Variants in PPP1R13L observed in about 807,000 individuals in gnomAD.
The protein encoded by PPP1R13L is relA-associated inhibitor.
Under a neutral mutation model 80.9 loss-of-function variants are expected in PPP1R13L, and 50 were observed. The observed-to-expected ratio is 0.62, with a 90% confidence interval of 0.49 to 0.78. The LOEUF is 0.78. Among genes scored for constraint, PPP1R13L ranks in the 30% least tolerant of loss-of-function variants. The pLI is 0.00. For missense variants in PPP1R13L, 1,200 were observed against 1,205.9 expected (o/e 1.00, Z 0.07); for synonymous variants, 602 against 534.3 (o/e 1.13, Z -1.75).
At chr19:45,383,746 C>T (rs1417789518) in intron 11 of PPP1R13L, among the ~76,000 whole-genome samples, 2 of 151,862 alleles carry the variant, frequency 1.3e-5, no homozygotes, top group Non-Finnish European at 2.9e-5. Context: ...GGCTCATCTG[C>T]CTCTTTCTTT....
rs1444983144 is a variant in PPP1R13L at position 45,385,626 on chromosome 19, G to A, written c.2184C>T (p.Ala728=). The change falls in exon 11 of 13, where the codon GCC becomes GCT. Residue 728 remains alanine (A), a synonymous_variant. Coordinates refer to ENST00000360957, the MANE Select transcript of PPP1R13L (RefSeq NM_006663.4). The part of the protein sequence containing the change: ...AIFATTLSDG[A]TAFEKCDPYR... ...AAGGGTCGCACTTCTCGAAGGCGGT[G>A]GCGCCGTCGCTGAGCGTGGTGGCGA... is the stretch of plus-strand genomic sequence containing the variant. 3 of 1,613,104 alleles carry A rather than the reference G, an allele frequency of 1.9e-6. No individual in the cohort carries two copies. The highest frequency in any genetic ancestry group is 2.5e-6 in the Non-Finnish European group (3 of 1,179,922).
In PPP1R13L at chr19:45,386,118, G is replaced by T. The variant is rs1171949897; in HGVS notation, c.1878C>A (p.Asn626Lys). 1.3e-6 allele frequency: 2 copies of T among 1,554,238 alleles called. No individual in the cohort carries two copies. Among genetic ancestry groups the T allele is most frequent in the East Asian group, 2.3e-5 (1 of 43,670 alleles). ...CCGCGTCCAGGAGGAGCACCAGAGG[G>T]TTGAGGCGCGCGCGGCGGGCCTTGC... ...SPRKARRARL[N>K]PLVLLLDAAL... The change falls in exon 9 of 13, where the codon AAC becomes AAA. Residue 626 changes from asparagine (N) to lysine (K), a missense_variant. Transcript: ENST00000360957.
At chr19:45,401,977 C>T (rs1295888702) in intron 1 of PPP1R13L, 3 of 152,062 alleles carry the variant, frequency 2.0e-5, no homozygotes, top group African/African-American at 4.8e-5. Flanking sequence ...GCAGCACCAC[C>T]GTCCAACCCT....
rs1972991295 is a variant in PPP1R13L at position 45,392,256 on chromosome 19, TC to T, written c.1438del (p.Asp480MetfsTer5). 6.2e-7 allele frequency: 1 copy of T among 1,613,278 alleles called. No homozygotes were observed. Among genetic ancestry groups the T allele is most frequent in the Non-Finnish European group, 8.5e-7 (1 of 1,179,950 alleles). ...GAGAGGCCTTGCTACAGGGCCTTCA[TC>T]CACATCGCCAGCCTCCAGCACTGGT... ...LTPVLEAGDV[D>X]EGPVARPLSP... On this transcript the variant is annotated frameshift_variant, in exon 8 of 13. Transcript: ENST00000360957. LOFTEE classifies it high-confidence loss of function.
chr19:45,396,665 GGAA>G lies in PPP1R13L; in HGVS notation c.589_591del (p.Phe197del), dbSNP rs762544920. The G allele has an allele frequency of 1.8e-5, 26 of 1,460,130 alleles. No homozygotes were observed. The highest frequency in any genetic ancestry group is 2.3e-5 in the Non-Finnish European group (26 of 1,117,366). 90.4% of individuals were successfully genotyped at this position (1,460,130 alleles called of 1,614,324 possible). Reference sequence around the variant, plus strand: ...GGGCGCGGTGACGGCCCACGCTCGGGGAAGAAGGCCTGGGGCCCCTCCGCCAGG... The same window carrying G: ...GGGCGCGGTGACGGCCCACGCTCGGGGAAGGCCTGGGGCCCCTCCGCCAGG... On this transcript the variant is annotated inframe_deletion, in exon 4 of 13. Coordinates refer to ENST00000360957, the MANE Select transcript of PPP1R13L (RefSeq NM_006663.4). This position sits in a 1 kb window ranked among gnomAD's most constrained non-coding sequence, Gnocchi z 5.3.
Position 45,386,121 on chromosome 19 carries a change from G to C in PPP1R13L, c.1875C>G (p.Leu625=), listed in dbSNP as rs762825594. Residue 625 remains leucine (L), a synonymous_variant, in exon 9 of 13, where the codon CTC becomes CTG. Coordinates refer to ENST00000360957, the MANE Select transcript of PPP1R13L (RefSeq NM_006663.4). The part of the protein sequence containing the change: ...GSPRKARRAR[L]NPLVLLLDAA... The stretch of plus-strand genomic sequence containing the variant: ...CGTCCAGGAGGAGCACCAGAGGGTT[G>C]AGGCGCGCGCGGCGGGCCTTGCGCG... The C allele has an allele frequency of 2.8e-5, 43 of 1,553,760 alleles. No individual in the cohort carries two copies. Among genetic ancestry groups the C allele is most frequent in the Middle Eastern group, 1.7e-4 (1 of 5,734 alleles).
rs1466833394 is a variant in PPP1R13L at position 45,386,033 on chromosome 19, G to T, written c.1947+16C>A. 5 of 1,587,828 alleles carry T rather than the reference G, an allele frequency of 3.1e-6. No individual in the cohort carries two copies. The highest frequency in any genetic ancestry group is 4.3e-6 in the Non-Finnish European group (5 of 1,169,898). On this transcript the variant is annotated intron_variant, in intron 9 of 12. Transcript: ENST00000360957. ...GATGCCCCCGCCGTGCCCACCTCCCGCTCAGCAGCGCTCACCTCCTTCACC... is the reference window on the plus strand; with the variant it reads ...GATGCCCCCGCCGTGCCCACCTCCCTCTCAGCAGCGCTCACCTCCTTCACC...
intron 11 of PPP1R13L, among the ~76,000 whole-genome samples, chr19:45,384,016 C>G (rs565445393): frequency 6.6e-6 from 1 of 151,548 alleles, no homozygotes; most frequent in Non-Finnish European, 1.5e-5. Flanking sequence ...CCGCCCGCCT[C>G]GAGCCTCCCA....
rs552365541 is a variant in PPP1R13L, at chr19:45,398,040, C to A, written c.163G>T (p.Ala55Ser). 1 of 1,613,906 alleles carries A rather than the reference C, an allele frequency of 6.2e-7. No homozygotes were observed. Among genetic ancestry groups the A allele is most frequent in the Non-Finnish European group, 8.5e-7 (1 of 1,179,840 alleles). ...GGTCCGGCCTGCGGGCCAGGAGGCGCGGGAGAGTCTGACCACAGCGACTCC... is the reference window on the plus strand; with the variant it reads ...GGTCCGGCCTGCGGGCCAGGAGGCGAGGGAGAGTCTGACCACAGCGACTCC... ...QLESLWSDSPAPPGPQAGPPS... is the reference protein window; with the variant it reads ...QLESLWSDSPSPPGPQAGPPS... Residue 55 changes from alanine (A) to serine (S), a missense_variant, in exon 3 of 13, where the codon GCG becomes TCG. Ala to Ser is a moderately conservative substitution (Grantham distance 99). Around this residue, in one of 5 missense-constraint regions of PPP1R13L, gnomAD observed 764 missense variants for 714.5 expected, o/e 1.07. Transcript: ENST00000360957.
At position 45,396,047 on chromosome 19, in the gene PPP1R13L, C is replaced by G; in HGVS notation, c.903+121G>C. The G allele has an allele frequency of 7.7e-7, 1 of 1,305,992 alleles. No individual in the cohort carries two copies. Among genetic ancestry groups the G allele is most frequent in the East Asian group, 2.5e-5 (1 of 39,566 alleles). The allele number at this position is 1,305,992 out of a possible 1,614,324, so 80.9% of individuals were successfully genotyped here. A position where few individuals can be genotyped will look rare whatever the true frequency, so the allele number is the denominator to read the frequency against. On this transcript the variant is annotated intron_variant, in intron 6 of 12. Coordinates refer to ENST00000360957, the MANE Select transcript of PPP1R13L (RefSeq NM_006663.4). The surrounding 1 kb of genome is among the most constrained non-coding windows in gnomAD (Gnocchi z 5.3). Reference sequence around the variant, plus strand: ...GAAACCCAGCACAGTGAAGGGAGAGCGTGGGAACGGGCGCCGAGACCCAGA... The same window carrying G: ...GAAACCCAGCACAGTGAAGGGAGAGGGTGGGAACGGGCGCCGAGACCCAGA...
rs914329124 is a variant in PPP1R13L at position 45,396,615 on chromosome 19, T to C, written c.642A>G (p.Pro214=). ...PRPPATAYDA[P]ASAFGSSLLG... is the part of the protein sequence containing the mutation. ...GCAGGGAGCTCCCGAAGGCGGACGC[T>C]GGCGCGTCGTAGGCTGTGGCAGGGG... Residue 214 remains proline, a synonymous_variant, in exon 4 of 13, where the codon CCA becomes CCG. Coordinates refer to ENST00000360957, the MANE Select transcript of PPP1R13L (RefSeq NM_006663.4). This position sits in a 1 kb window ranked among gnomAD's most constrained non-coding sequence, Gnocchi z 5.3. The C allele has an allele frequency of 6.7e-7, 1 of 1,494,840 alleles. No individual in the cohort carries two copies. Among genetic ancestry groups the C allele is most frequent in the African/African-American group, 1.4e-5 (1 of 71,356 alleles). 92.6% of individuals were successfully genotyped at this position (1,494,840 alleles called of 1,614,324 possible). A position where few individuals can be genotyped will look rare whatever the true frequency, so the allele number is the denominator to read the frequency against.
intron 8 of PPP1R13L, among the ~76,000 whole-genome samples, chr19:45,386,995 G>A (rs951992356): frequency 7.9e-5 from 12 of 151,456 alleles, no homozygotes; most frequent in Non-Finnish European, 1.5e-4. Flanking sequence ...TGGGCTGGGC[G>A]AGGTGGCTCA....
In PPP1R13L at chr19:45,395,734, G is replaced by A. The variant is rs555989232; in HGVS notation, c.1056C>T (p.Ile352=). Residue 352 remains isoleucine, a synonymous_variant, in exon 7 of 13, where the codon ATC becomes ATT. Coordinates refer to ENST00000360957, the MANE Select transcript of PPP1R13L (RefSeq NM_006663.4). ...LPRSWQPVSR[I]PMPPSSPQPR... The stretch of plus-strand genomic sequence containing the variant: ...GCTGGGGGCTGGAGGGGGGCATGGG[G>A]ATGCGGCTGACGGGCTGCCAGCTGC... 4.2e-5 allele frequency: 63 copies of A among 1,515,084 alleles called. No homozygotes were observed. The African/African-American group carries it at 8.5e-4, about 20-fold the overall frequency. The allele number at this position is 1,515,084 out of a possible 1,614,324, so 93.9% of individuals were successfully genotyped here. A position where few individuals can be genotyped will look rare whatever the true frequency, so the allele number is the denominator to read the frequency against.
At position 45,398,095 on chromosome 19, in the gene PPP1R13L, C is replaced by T. The variant is rs1183449760; in HGVS notation, c.108G>A (p.Ala36=). 1 of 1,614,172 alleles carries T rather than the reference C, an allele frequency of 6.2e-7. No homozygotes were observed. Among genetic ancestry groups the T allele is most frequent in the African/African-American group, 1.3e-5 (1 of 75,036 alleles). The change falls in exon 3 of 13, where the codon GCG becomes GCA. Residue 36 remains alanine (A), a synonymous_variant. Transcript: ENST00000360957. The part of the protein sequence containing the change: ...DLKQMELDTA[A]AKVDELTKQL... ...GCTTGGTCAGTTCATCCACCTTGGCCGCCGCCGTGTCCAGCTCCATCTGCT... is the reference window on the plus strand; with the variant it reads ...GCTTGGTCAGTTCATCCACCTTGGCTGCCGCCGTGTCCAGCTCCATCTGCT...
chr19:45,394,217 G>T (rs971738409), intron 7 of PPP1R13L, among the ~76,000 whole-genome samples: 1 of 151,140 alleles, frequency 6.6e-6, no homozygotes. Flanking sequence ...CTGCAGCCTG[G>T]ATCTCCCAGG....
chr19:45,398,019 C>CG lies in PPP1R13L; in HGVS notation c.183dup (p.Gly62ArgfsTer5). The CG allele has an allele frequency of 6.2e-7, 1 of 1,612,228 alleles. No homozygotes were observed. The highest frequency in any genetic ancestry group is 8.5e-7 in the Non-Finnish European group (1 of 1,178,732). ...ACCAGGCTTACCCTAGAAGGGGGTC[C>CG]GGCCTGCGGGCCAGGAGGCGCGGGA... On this transcript the variant is annotated frameshift_variant, in exon 3 of 13. Coordinates refer to ENST00000360957, the MANE Select transcript of PPP1R13L (RefSeq NM_006663.4). LOFTEE classifies it high-confidence loss of function.
chr19:45,385,493 G>A (rs1972846300), intron 11 of PPP1R13L, 69 bp downstream of exon 11: 2 of 1,458,350 alleles, frequency 1.4e-6, no homozygotes, highest in Non-Finnish European at 1.8e-6. Context: ...CCTAGTAGGG[G>A]GTAGTTGCTC....
rs1485051634 is a variant in PPP1R13L, at chr19:45,385,817, G to A, written c.2081+7C>T. On this transcript the variant is annotated splice_region_variant and intron_variant, in intron 10 of 12. Transcript: ENST00000360957. Reference sequence around the variant, plus strand: ...GGACCCAGCCCACCGCGCGGGTCGGGGCTCACCAGCCGTGGCTGTCGGGGG... The same window carrying A: ...GGACCCAGCCCACCGCGCGGGTCGGAGCTCACCAGCCGTGGCTGTCGGGGG... 2.5e-6 allele frequency: 4 copies of A among 1,610,662 alleles called. No homozygotes were observed. Among genetic ancestry groups the A allele is most frequent in the Non-Finnish European group, 3.4e-6 (4 of 1,179,022 alleles).
intron 11 of PPP1R13L, 118 bp from the exon 12 acceptor site, chr19:45,382,844 ATGT>A (rs1332156183): frequency 3.4e-6 from 3 of 886,784 alleles, no homozygotes; most frequent in South Asian, 1.6e-5. Context: ...ACCACCTGAA[ATGT>A]TGTGTGTGCC....
Sources: gnomAD v4.1 joint callset for allele counts (sites outside exome capture counted in the v4.1 genomes callset) on GRCh38, gnomAD v4.1.1 for gene constraint, gnomAD v4.1.1 regional missense constraint, Gnocchi (gnomAD v3.1) non-coding constraint, MANE v1.5 for transcripts, NCBI Gene and HGNC (gene_info 2026-07-23, HGNC 2026-07-21) for gene names.